BFSP1: variants seen among roughly 807,000 people sequenced by gnomAD.
BFSP1 encodes filensin.
BFSP1 carries 38 observed loss-of-function variants against 43.9 expected under a neutral mutation model. That is an observed-to-expected ratio of 0.87 (90% CI 0.67 to 1.14). The LOEUF is 1.14. BFSP1 is among the 50% of genes most tolerant of loss of function. The pLI is 0.00. For missense variants in BFSP1, 850 were observed against 875.1 expected, an observed-to-expected ratio of 0.97 and a Z score of 0.36; for synonymous variants, 352 against 354.8, an observed-to-expected ratio of 0.99 and a Z score of 0.09.
rs569299099 is a variant in BFSP1, at chr20:17,568,474, C to T, written n.50+697G>A. Among the ~76,000 whole-genome samples the T allele has an allele frequency of 3.3e-5, 5 of 152,136 alleles. No homozygotes were observed. The East Asian group carries it at 9.7e-4, about 29-fold the overall frequency. ...AGGAGGATACAGGGGGGTTCCTTCT[C>T]AGTTCAGGAGTGTGGTCTCGGACTG... On this transcript the variant is annotated intron_variant and non_coding_transcript_variant, in intron 1 of 6. Coordinates refer to the BFSP1 transcript ENST00000473415.
At chr20:17,564,041 T>C (rs183899814) in intron 1 of BFSP1, among the ~76,000 whole-genome samples, 2 of 152,060 alleles carry the variant, frequency 1.3e-5, no homozygotes, top group African/African-American at 2.4e-5. Context: ...AGCAACAGTA[T>C]AGAAATTGGG....
intron 3 of BFSP1, among the ~76,000 whole-genome samples, chr20:17,512,940 C>T (rs2034121003): frequency 6.6e-6 from 1 of 152,192 alleles, no homozygotes; most frequent in Admixed American, 6.5e-5. Flanking sequence ...CGCCAGTGCC[C>T]CTGTCCCCAG....
intron 1 of BFSP1, among the ~76,000 whole-genome samples, chr20:17,553,804 C>T (rs368275056): frequency 0.23 from 15,800 of 69,074 alleles, 2,016 homozygotes; most frequent in African/African-American, 0.47. Flanking sequence ...TACACACACA[C>T]ACACACACAC....
intron 7 of BFSP1, among the ~76,000 whole-genome samples, chr20:17,495,315 G>A (rs1221777856): frequency 1.3e-5 from 2 of 152,176 alleles, no homozygotes; most frequent in Non-Finnish European, 2.9e-5. Flanking sequence ...CACCACACCA[G>A]GCAGAACCTA....
intron 5 of BFSP1, among the ~76,000 whole-genome samples, chr20:17,502,806 C>T (rs2033835160): frequency 6.6e-6 from 1 of 152,182 alleles, no homozygotes; most frequent in South Asian, 2.1e-4. Flanking sequence ...GTCAGACACA[C>T]TAACGCCTGG....
chr20:17,511,004 G>T (rs572891091), intron 4 of BFSP1, among the ~76,000 whole-genome samples: 1 of 152,232 alleles, frequency 6.6e-6, no homozygotes, highest in East Asian at 1.9e-4. Context: ...TAGAGATGGG[G>T]TCTTGCTATG....
Position 17,514,778 on chromosome 20 carries a change from C to A in BFSP1, c.477G>T (p.Gln159His), listed in dbSNP as rs1216103593. ...DEALLHNLRL[Q>H]LEAQFLQDDI... The stretch of plus-strand genomic sequence containing the variant: ...CATCTTGCAGAAATTGGGCTTCCAG[C>A]TGAAGGCGTAGGTTATGCAGCAAGG... The change falls in exon 3 of 8, where the codon CAG becomes CAT. Residue 159 changes from glutamine to histidine, a missense_variant. Transcript: ENST00000377873. 1 of 1,613,964 alleles carries A rather than the reference C, an allele frequency of 6.2e-7. No individual in the cohort carries two copies. The highest frequency in any genetic ancestry group is 8.5e-7 in the Non-Finnish European group (1 of 1,180,002).
At chr20:17,519,689 T>G (rs2034278194) in intron 2 of BFSP1, among the ~76,000 whole-genome samples, 1 of 152,226 alleles carries the variant, frequency 6.6e-6, no homozygotes, top group African/African-American at 2.4e-5. Context: ...TCTTTATAAC[T>G]GCTCATAGTG....
At chr20:17,543,537 A>T (rs2034753091) in intron 1 of BFSP1, among the ~76,000 whole-genome samples, 1 of 152,154 alleles carries the variant, frequency 6.6e-6, no homozygotes, top group South Asian at 2.1e-4. Flanking sequence ...AAAATAAAAC[A>T]TTATTGAACT....
chr20:17,558,125 G>T (rs1438328924), intron 1 of BFSP1, among the ~76,000 whole-genome samples: 1 of 149,210 alleles, frequency 6.7e-6, no homozygotes, highest in Admixed American at 6.8e-5. Context: ...AAGATGGGGG[G>T]GGGTTTTACT....
chr20:17,511,782 A>G (rs1383167262), intron 4 of BFSP1, among the ~76,000 whole-genome samples, 194 bp downstream of exon 4: 1 of 152,252 alleles, frequency 6.6e-6, no homozygotes, highest in Non-Finnish European at 1.5e-5. Flanking sequence ...TTACATCCTC[A>G]CATGTCTAAA....
At chr20:17,546,154 C>T (rs2034797612) in intron 1 of BFSP1, among the ~76,000 whole-genome samples, 1 of 152,166 alleles carries the variant, frequency 6.6e-6, no homozygotes, top group South Asian at 2.1e-4. Flanking sequence ...AATTGATTTA[C>T]AGCTTCGAGT....
intron 5 of BFSP1, among the ~76,000 whole-genome samples, chr20:17,502,566 C>T (rs2033829438): frequency 6.6e-6 from 1 of 152,122 alleles, no homozygotes; most frequent in Non-Finnish European, 1.5e-5. Flanking sequence ...TCTATTAATG[C>T]GACAGGATCA....
At chr20:17,549,238 G>A (rs1044795961) in intron 1 of BFSP1, among the ~76,000 whole-genome samples, 4 of 152,126 alleles carry the variant, frequency 2.6e-5, no homozygotes, top group African/African-American at 7.2e-5. Flanking sequence ...TTGAATTACT[G>A]GGGTTCCTGG....
At position 17,510,907 on chromosome 20, in the gene BFSP1, G is replaced by A. The variant is rs557109171; in HGVS notation, c.627+1069C>T. On this transcript the variant is annotated intron_variant, in intron 4 of 7. Coordinates refer to ENST00000377873, the MANE Select transcript of BFSP1 (RefSeq NM_001195.5). Reference sequence around the variant, plus strand: ...CCTGTAGTAGCCTACCACAACCTCTGAAGAAGGGACACTGTAACATTTTTA... The same window carrying A: ...CCTGTAGTAGCCTACCACAACCTCTAAAGAAGGGACACTGTAACATTTTTA... 4.6e-5 allele frequency among the ~76,000 whole-genome samples: 7 copies of A among 152,342 alleles called. No individual in the cohort carries two copies. The South Asian group carries it at 1.2e-3, about 27-fold the overall frequency.
At chr20:17,530,527 T>C (rs1001754662) in intron 1 of BFSP1, among the ~76,000 whole-genome samples, 14 of 152,192 alleles carry the variant, frequency 9.2e-5, no homozygotes, top group East Asian at 1.9e-4. Context: ...TCTATGGTGA[T>C]AGAAATCAGA....
chr20:17,534,842 A>C (rs2123546873), upstream of BFSP1, among the ~76,000 whole-genome samples: 1 of 152,136 alleles, frequency 6.6e-6, no homozygotes, highest in Admixed American at 6.5e-5. Context: ...AACATGGTGA[A>C]ACCCCATCTC....
intron 1 of BFSP1, among the ~76,000 whole-genome samples, chr20:17,553,820 CACACAT>C (rs1326860108): frequency 1.8e-4 from 17 of 96,030 alleles, no homozygotes; most frequent in African/African-American, 8.1e-4. Flanking sequence ...CACACACACA[CACACAT>C]ATATATATAT....
At chr20:17,497,482 G>A (rs977261019) in intron 6 of BFSP1, among the ~76,000 whole-genome samples, 1 of 100,020 alleles carries the variant, frequency 1.0e-5, no homozygotes, top group South Asian at 3.5e-4. Flanking sequence ...GTATATATAC[G>A]TGTGTATATA....
Sources: allele counts gnomAD v4.1 joint callset (sites outside exome capture counted in the v4.1 genomes callset), GRCh38; gene constraint gnomAD v4.1.1; transcripts MANE v1.5; gene names NCBI Gene and HGNC (gene_info 2026-07-23, HGNC 2026-07-21).